Variants in MAD1L1 observed in about 807,000 individuals in gnomAD.
MAD1L1 encodes mitotic spindle assembly checkpoint protein MAD1.
A neutral mutation model predicts 96.9 loss-of-function variants in MAD1L1; 95 were observed. The ratio of observed to expected loss-of-function variants is 0.98; its 90% confidence interval spans 0.83 to 1.16. The LOEUF (loss-of-function observed/expected upper bound fraction) is 1.16, where lower values mean the gene tolerates loss of function less well. Among genes scored for constraint, MAD1L1 ranks in the 50% most tolerant of loss-of-function variants. The probability of loss-of-function intolerance (pLI) is 0.00; values close to 1 mark genes in which losing one functional copy is unlikely to be tolerated. For missense variants in MAD1L1, 1,007 were observed against 954.4 expected (o/e 1.06, Z -0.73); for synonymous variants, 473 against 396.6 (o/e 1.19, Z -2.29).
At chr7:2,010,780 G>A (rs753811833) in intron 13 of MAD1L1, among the ~76,000 whole-genome samples, 13 of 152,170 alleles carry the variant, frequency 8.5e-5, no homozygotes, top group Admixed American at 2.0e-4. Flanking sequence ...CCCACCTGGC[G>A]GTCAGGTAGC....
At chr7:2,037,152 T>A (rs1783475974) in intron 12 of MAD1L1, among the ~76,000 whole-genome samples, 1 of 151,750 alleles carries the variant, frequency 6.6e-6, no homozygotes, top group African/African-American at 2.4e-5. Context: ...CCGGTTCCAG[T>A]GCCTTCTGCC....
intron 10 of MAD1L1, among the ~76,000 whole-genome samples, chr7:2,164,648 A>G (rs964614440): frequency 1.3e-5 from 2 of 149,836 alleles, no homozygotes; most frequent in African/African-American, 5.0e-5. Flanking sequence ...TGACAGTTGC[A>G]CCAAAAAAAA....
chr7:2,004,505 G>A (rs1465494067), intron 13 of MAD1L1, among the ~76,000 whole-genome samples: 2 of 152,308 alleles, frequency 1.3e-5, no homozygotes, highest in South Asian at 2.1e-4. Flanking sequence ...AAGAGGCAGG[G>A]TCGTCCGGAA....
chr7:2,180,657 GATA>G (rs886435523), intron 10 of MAD1L1, among the ~76,000 whole-genome samples: 1 of 152,138 alleles, frequency 6.6e-6, no homozygotes, highest in African/African-American at 2.4e-5. Context: ...TATCTCTGGG[GATA>G]ATAATTGTTG....
intron 18 of MAD1L1, chr7:1,849,609 T>C (rs1783851964): frequency 6.6e-6 from 1 of 152,218 alleles, no homozygotes; most frequent in Non-Finnish European, 1.5e-5. Context: ...GTGCTCGGCG[T>C]GGCCCAAGAA....
At chr7:1,953,763 T>A (rs1036288216) in intron 16 of MAD1L1, among the ~76,000 whole-genome samples, 1 of 152,226 alleles carries the variant, frequency 6.6e-6, no homozygotes, top group African/African-American at 2.4e-5. Context: ...CTTTAAATGT[T>A]CATCATCAAA....
chr7:1,978,611 C>G (rs1026321779), intron 15 of MAD1L1, among the ~76,000 whole-genome samples: 26 of 152,138 alleles, frequency 1.7e-4, no homozygotes, highest in Admixed American at 1.7e-3. Context: ...CTTCCCCCAC[C>G]CCACACCCAC....
chr7:1,879,754 G>A (rs954035919), intron 18 of MAD1L1, among the ~76,000 whole-genome samples: 4 of 152,034 alleles, frequency 2.6e-5, no homozygotes, highest in African/African-American at 4.8e-5. Flanking sequence ...CTTTTGAGAC[G>A]GAGTCTCACT....
chr7:2,013,219 A>G (rs1288972832), intron 13 of MAD1L1, among the ~76,000 whole-genome samples: 1 of 152,078 alleles, frequency 6.6e-6, no homozygotes, highest in Admixed American at 6.5e-5. Flanking sequence ...CCATCGGGGG[A>G]CCCAGGTCAT....
At chr7:2,217,924 C>A (rs1468490296) in intron 7 of MAD1L1, 38 bp downstream of exon 7, 1 of 1,560,522 alleles carries the variant, frequency 6.4e-7, no homozygotes, top group Non-Finnish European at 8.8e-7. Context: ...AAGGCCACCA[C>A]AGGGATGTCC....
rs570122572 is a variant in MAD1L1, at chr7:1,866,757, C to T, written c.1998+31443G>A. 2.6e-5 allele frequency among the ~76,000 whole-genome samples: 4 copies of T among 152,234 alleles called. No homozygotes were observed. In the East Asian group the frequency reaches 5.8e-4, roughly 22 times the overall value. ...CAACTAGATCTGTTCCACGGGCTGACGGGAGCCCTGAGGGCCTTCAGTGAG... is the reference window on the plus strand; with the variant it reads ...CAACTAGATCTGTTCCACGGGCTGATGGGAGCCCTGAGGGCCTTCAGTGAG... On this transcript the variant is annotated intron_variant, in intron 18 of 18. Coordinates refer to ENST00000265854, the MANE Select transcript of MAD1L1 (RefSeq NM_001013836.2).
At chr7:2,000,984 A>G (rs1271113649) in intron 14 of MAD1L1, among the ~76,000 whole-genome samples, 1 of 152,186 alleles carries the variant, frequency 6.6e-6, no homozygotes, top group Non-Finnish European at 1.5e-5. Context: ...AACCCCATCC[A>G]ACCCTGTCCC....
chr7:2,007,931 C>CA (rs1419878970), intron 13 of MAD1L1, among the ~76,000 whole-genome samples: 1 of 152,206 alleles, frequency 6.6e-6, no homozygotes, highest in African/African-American at 2.4e-5. Context: ...TGATGGGTCT[C>CA]AAAAGCTCTG....
intron 16 of MAD1L1, among the ~76,000 whole-genome samples, chr7:1,947,754 G>C (rs973296374): frequency 4.6e-5 from 7 of 152,250 alleles, no homozygotes; most frequent in Admixed American, 2.6e-4. Context: ...CCCAGGCGAG[G>C]GTCACACCTC....
At chr7:2,084,095 C>T (rs942705499) in intron 11 of MAD1L1, among the ~76,000 whole-genome samples, 1 of 152,262 alleles carries the variant, frequency 6.6e-6, no homozygotes, top group Admixed American at 6.5e-5. Context: ...TTCCTCTGGA[C>T]ACCCGAAAGG....
intron 14 of MAD1L1, among the ~76,000 whole-genome samples, chr7:2,001,428 T>C (rs1039384323): frequency 1.3e-5 from 2 of 152,246 alleles, no homozygotes; most frequent in Non-Finnish European, 2.9e-5. Context: ...GTGGGAAGCT[T>C]TTGACACTGG....
intron 13 of MAD1L1, among the ~76,000 whole-genome samples, chr7:2,007,271 C>T (rs905804190): frequency 2.6e-5 from 4 of 152,228 alleles, no homozygotes; most frequent in South Asian, 2.1e-4. Flanking sequence ...ATACCAAAGC[C>T]GACAGTGCCA....
At chr7:1,998,305 C>T (rs867678544) in intron 14 of MAD1L1, among the ~76,000 whole-genome samples, 3 of 152,186 alleles carry the variant, frequency 2.0e-5, no homozygotes, top group Middle Eastern at 3.2e-3. Flanking sequence ...AGACAAGGGC[C>T]GATGCCCGGG....
chr7:2,206,342 G>A (rs1184008131), intron 10 of MAD1L1, among the ~76,000 whole-genome samples: 2 of 152,186 alleles, frequency 1.3e-5, no homozygotes, highest in African/African-American at 2.4e-5. Flanking sequence ...TTTTGATGAA[G>A]TCTAATTTAT....
Sources: allele counts gnomAD v4.1 joint callset (sites outside exome capture counted in the v4.1 genomes callset), GRCh38; gene constraint gnomAD v4.1.1; transcripts MANE v1.5; gene names NCBI Gene and HGNC (gene_info 2026-07-23, HGNC 2026-07-21).